FAM161B: variants seen among roughly 807,000 people sequenced by gnomAD.
FAM161B encodes the protein protein FAM161B.
Under a neutral mutation model 61.5 loss-of-function variants are expected in FAM161B, and 46 were observed. That is an observed-to-expected ratio of 0.75 (90% CI 0.59 to 0.96). FAM161B has a LOEUF of 0.96. Ranked by LOEUF, FAM161B falls within the 40% of genes least tolerant of loss-of-function variation. The probability of loss-of-function intolerance (pLI) is 0.00; values close to 1 mark genes in which losing one functional copy is unlikely to be tolerated. For synonymous variants in FAM161B, 284 were observed against 302.7 expected, an observed-to-expected ratio of 0.94 and a Z score of 0.64; for missense variants, 774 against 800.7, an observed-to-expected ratio of 0.97 and a Z score of 0.40.
chr14:73,932,301 C>A lies in FAM161B; in HGVS notation c.*1955G>T. On this transcript the variant is annotated 3_prime_UTR_variant, in exon 9 of 9. Coordinates refer to ENST00000286544, the MANE Select transcript of FAM161B (RefSeq NM_152445.3). ...TCAGTTCTTTGGCTCTTGTTTTATA[C>A]AAAATTTGTTTTCTTAGAGATTAAG... is the stretch of plus-strand genomic sequence containing the variant. 1 of 335,130 alleles carries A rather than the reference C, an allele frequency of 3.0e-6. No homozygotes were observed. The highest frequency in any genetic ancestry group is 5.8e-6 in the Non-Finnish European group (1 of 172,366). The allele number at this position is 335,130 out of a possible 1,614,324, so 20.8% of individuals were successfully genotyped here.
At chr14:73,949,066 G>A (rs931845642) in intron 1 of FAM161B, among the ~76,000 whole-genome samples, 5 of 151,844 alleles carry the variant, frequency 3.3e-5, no homozygotes, top group Non-Finnish European at 5.9e-5. Flanking sequence ...CTACAGGCGC[G>A]CACCACCATG....
chr14:73,943,544 T>C (rs1233430763), intron 3 of FAM161B, among the ~76,000 whole-genome samples: 1 of 152,088 alleles, frequency 6.6e-6, no homozygotes, highest in African/African-American at 2.4e-5. Context: ...TTTCCATCCC[T>C]TGCAGATGCT....
In FAM161B at chr14:73,942,730, T is replaced by C. The variant is rs199948133; in HGVS notation, c.926-15A>G. The C allele has an allele frequency of 1.2e-6, 2 of 1,604,788 alleles. No individual in the cohort carries two copies. The highest frequency in any genetic ancestry group is 2.2e-5 in the East Asian group (1 of 44,716). ...GAGCTCAGCTTCTGTGGAGAAAGGATGGTGATGGGTAAGAAAGGACCAAGC... is the reference window on the plus strand; with the variant it reads ...GAGCTCAGCTTCTGTGGAGAAAGGACGGTGATGGGTAAGAAAGGACCAAGC... On this transcript the variant is annotated splice_polypyrimidine_tract_variant and intron_variant, in intron 3 of 8. Coordinates refer to ENST00000286544, the MANE Select transcript of FAM161B (RefSeq NM_152445.3).
rs746597544 is a variant in FAM161B, at chr14:73,942,642, G to A, written c.999C>T (p.Ile333=). 2.5e-6 allele frequency: 4 copies of A among 1,614,184 alleles called. No homozygotes were observed. Among genetic ancestry groups the A allele is most frequent in the African/African-American group, 1.3e-5 (1 of 75,044 alleles). The change falls in exon 4 of 9, where the codon ATC becomes ATT. Residue 333 remains isoleucine (I), a synonymous_variant. Coordinates refer to ENST00000286544, the MANE Select transcript of FAM161B (RefSeq NM_152445.3). ...GGTTAGCCCGGTTACTAGAGGAGGC[G>A]ATAGGGGAAGAGGCCATCTGGAGCA... ...LDMLQMASSP[I]ASSSNRANPQ... is the part of the protein sequence containing the mutation.
At chr14:73,935,344 G>A (rs561810726) in intron 8 of FAM161B, among the ~76,000 whole-genome samples, 38 of 152,104 alleles carry the variant, frequency 2.5e-4, no homozygotes, top group Non-Finnish European at 5.1e-4. Context: ...TGGCTAACAT[G>A]GTGAAACCCC....
chr14:73,945,856 G>C (rs559894438), intron 2 of FAM161B, among the ~76,000 whole-genome samples: 4 of 151,516 alleles, frequency 2.6e-5, no homozygotes, highest in Middle Eastern at 3.4e-3. Flanking sequence ...ATTCTCATGC[G>C]TCAGCCTCCT....
At position 73,944,869 on chromosome 14, in the gene FAM161B, G is replaced by A. The variant is rs143308491; in HGVS notation, c.391C>T (p.Arg131Cys). Reference sequence around the variant, plus strand: ...GGAAGGTTGTTCAGGGAGCTGCAGCGCCTTGTGGAGCCACACCTGGGAAAA... The same window carrying A: ...GGAAGGTTGTTCAGGGAGCTGCAGCACCTTGTGGAGCCACACCTGGGAAAA... ...PQALRCGSTR[R>C]CSSLNNLPSN... is the part of the protein sequence containing the mutation. Residue 131 changes from arginine (R) to cysteine (C), a missense_variant, in exon 3 of 9, where the codon CGC becomes TGC. Transcript: ENST00000286544. 5.7e-4 allele frequency: 857 copies of A among 1,515,962 alleles called. 3 individuals carry two copies. The African/African-American group carries it at 9.2e-3, about 16-fold the overall frequency. 93.9% of individuals were successfully genotyped at this position (1,515,962 alleles called of 1,614,324 possible). A position where few individuals can be genotyped will look rare whatever the true frequency, so the allele number is the denominator to read the frequency against.
chr14:73,934,052 C>T lies in FAM161B; in HGVS notation c.*204G>A, dbSNP rs1278437908. 1 of 513,758 alleles carries T rather than the reference C, an allele frequency of 1.9e-6. No individual in the cohort carries two copies. The highest frequency in any genetic ancestry group is 2.0e-5 in the African/African-American group (1 of 50,258). The allele number at this position is 513,758 out of a possible 1,614,324, so 31.8% of individuals were successfully genotyped here. A position where few individuals can be genotyped will look rare whatever the true frequency, so the allele number is the denominator to read the frequency against. Reference sequence around the variant, plus strand: ...GGCTGGACTGGTCTCAAACTCCTGACCTCAGATGATCTGCCTGCCTCAGCC... The same window carrying T: ...GGCTGGACTGGTCTCAAACTCCTGATCTCAGATGATCTGCCTGCCTCAGCC... On this transcript the variant is annotated 3_prime_UTR_variant, in exon 9 of 9. Transcript: ENST00000286544.
Position 73,932,708 on chromosome 14 carries a change from T to G in FAM161B, c.*1548A>C. The G allele has an allele frequency of 3.0e-6, 1 of 332,962 alleles. No individual in the cohort carries two copies. The highest frequency in any genetic ancestry group is 2.4e-5 in the South Asian group (1 of 41,334). The allele number at this position is 332,962 out of a possible 1,614,324, so 20.6% of individuals were successfully genotyped here. A position where few individuals can be genotyped will look rare whatever the true frequency, so the allele number is the denominator to read the frequency against. On this transcript the variant is annotated 3_prime_UTR_variant, in exon 9 of 9. Transcript: ENST00000286544. ...AGTGTAATCATAGCTCAATGTAACC[T>G]TGAACTCCTACGCTCAAGGCATCCT...
chr14:73,932,401 G>C lies in FAM161B; in HGVS notation c.*1855C>G, dbSNP rs954062847. 2.0e-5 allele frequency: 9 copies of C among 448,900 alleles called. No individual in the cohort carries two copies. Among genetic ancestry groups the C allele is most frequent in the South Asian group, 1.1e-4 (7 of 62,644 alleles). 27.8% of individuals were successfully genotyped at this position (448,900 alleles called of 1,614,324 possible). The stretch of plus-strand genomic sequence containing the variant: ...CATACCAGTAAAACTGAACCGAGGA[G>C]TCTTAGGAAACAACAAGAACATCTT... On this transcript the variant is annotated 3_prime_UTR_variant, in exon 9 of 9. Transcript: ENST00000286544.
chr14:73,927,653 T>C (rs1479747177), downstream of FAM161B, among the ~76,000 whole-genome samples: 1 of 152,164 alleles, frequency 6.6e-6, no homozygotes, highest in Non-Finnish European at 1.5e-5. Context: ...AGTTACCACA[T>C]ACCTAGTATG....
At chr14:73,930,408 C>T (rs1460194542), downstream of FAM161B, among the ~76,000 whole-genome samples, 1 of 152,168 alleles carries the variant, frequency 6.6e-6, no homozygotes, top group Non-Finnish European at 1.5e-5. Context: ...AGCAATCCTC[C>T]TCCCTCAGCC....
At chr14:73,927,190 G>A (rs2055847237), downstream of FAM161B, 2 of 262,790 alleles carry the variant, frequency 7.6e-6, no homozygotes, top group Non-Finnish European at 1.6e-5. Flanking sequence ...AATTCAAGCG[G>A]TTCTTCTGCC....
the FAM161B span, among the ~76,000 whole-genome samples, chr14:73,925,523 G>C: frequency 6.6e-6 from 1 of 151,984 alleles, no homozygotes; most frequent in Non-Finnish European, 1.5e-5. Context: ...CGCCTCTCAG[G>C]TTCAAGCAAT....
intron 7 of FAM161B, among the ~76,000 whole-genome samples, chr14:73,936,930 T>G (rs980346746): frequency 6.6e-6 from 1 of 152,114 alleles, no homozygotes; most frequent in African/African-American, 2.4e-5. Context: ...CATCCTTACA[T>G]CCTTACGGAG....
downstream of FAM161B, among the ~76,000 whole-genome samples, chr14:73,928,282 G>A (rs1566668737): frequency 6.6e-6 from 1 of 152,162 alleles, no homozygotes; most frequent in Non-Finnish European, 1.5e-5. Flanking sequence ...ACAGGCAGAA[G>A]GACAGCAGTG....
At position 73,944,333 on chromosome 14, in the gene FAM161B, AC is replaced by A. The variant is rs1281622812; in HGVS notation, c.925+1del. The stretch of plus-strand genomic sequence containing the variant: ...GCAGCAAGGTGGCAAGGATGTCTTT[AC>A]CCTGGAGTTTATCCCCAAGGGCTGG... On this transcript the variant is annotated splice_donor_variant, in intron 3 of 8. Coordinates refer to ENST00000286544, the MANE Select transcript of FAM161B (RefSeq NM_152445.3). LOFTEE classifies it high-confidence loss of function. 1 of 1,575,256 alleles carries A rather than the reference AC, an allele frequency of 6.3e-7. No homozygotes were observed. The highest frequency in any genetic ancestry group is 8.6e-7 in the Non-Finnish European group (1 of 1,156,634).
At position 73,932,510 on chromosome 14, in the gene FAM161B, TGA is replaced by T. The variant is rs1566671253; in HGVS notation, c.*1744_*1745del. 2.2e-6 allele frequency: 1 copy of T among 447,214 alleles called. No homozygotes were observed. The highest frequency in any genetic ancestry group is 4.4e-6 in the Non-Finnish European group (1 of 224,892). The allele number at this position is 447,214 out of a possible 1,614,324, so 27.7% of individuals were successfully genotyped here. The stretch of plus-strand genomic sequence containing the variant: ...AAATGGCAATAAAAACAGATACTTC[TGA>T]ATTTTTCCACAAAGATAGTTTTTTT... On this transcript the variant is annotated 3_prime_UTR_variant, in exon 9 of 9. Coordinates refer to ENST00000286544, the MANE Select transcript of FAM161B (RefSeq NM_152445.3).
chr14:73,926,494 C>T, the FAM161B span, among the ~76,000 whole-genome samples: 561 of 152,056 alleles, frequency 3.7e-3, 1 homozygote, highest in African/African-American at 0.013. Context: ...AGTGCAGTGG[C>T]GTGATCTCGG....
Sources: gnomAD v4.1 joint callset for allele counts (sites outside exome capture counted in the v4.1 genomes callset) on GRCh38, gnomAD v4.1.1 for gene constraint, MANE v1.5 for transcripts, NCBI Gene and HGNC (gene_info 2026-07-23, HGNC 2026-07-21) for gene names.